Variants in L3MBTL4 observed in about 807,000 individuals in gnomAD.
L3MBTL4 encodes L3MBTL histone methyl-lysine binding protein 4.
Under a neutral mutation model 84.5 loss-of-function variants are expected in L3MBTL4, and 70 were observed. The ratio of observed to expected loss-of-function variants is 0.83; its 90% CI spans 0.68 to 1.01. The LOEUF (loss-of-function observed/expected upper bound fraction) is 1.01. Ranked by LOEUF, L3MBTL4 falls within the 50% of genes least tolerant of loss-of-function variation. L3MBTL4 has a pLI of 0.00. For missense variants in L3MBTL4, 715 were observed against 754.8 expected (o/e 0.95, Z 0.62); for synonymous variants, 274 against 259.8 (o/e 1.05, Z -0.52).
chr18:6,133,964 G>A (rs1223480744), intron 14 of L3MBTL4, among the ~76,000 whole-genome samples: 1 of 152,158 alleles, frequency 6.6e-6, no homozygotes, highest in East Asian at 1.9e-4. Flanking sequence ...AACACATTGT[G>A]CATATGGCCT....
chr18:6,157,064 A>G (rs2043134022), intron 13 of L3MBTL4, among the ~76,000 whole-genome samples: 1 of 152,240 alleles, frequency 6.6e-6, no homozygotes, highest in East Asian at 1.9e-4. Flanking sequence ...CTGTAAGTAC[A>G]TTTTGAAACG....
At chr18:6,135,513 T>A (rs1396378684) in intron 14 of L3MBTL4, among the ~76,000 whole-genome samples, 2 of 152,228 alleles carry the variant, frequency 1.3e-5, no homozygotes, top group African/African-American at 4.8e-5. Context: ...TTGAATGCTT[T>A]GCTGCTTAGA....
At chr18:6,110,078 A>C (rs908944547) in intron 14 of L3MBTL4, among the ~76,000 whole-genome samples, 1 of 152,142 alleles carries the variant, frequency 6.6e-6, no homozygotes, top group African/African-American at 2.4e-5. Context: ...ATATGATTTA[A>C]AACAACTTTG....
At chr18:6,035,424 GT>G (rs1454869446) in intron 16 of L3MBTL4, among the ~76,000 whole-genome samples, 1 of 150,616 alleles carries the variant, frequency 6.6e-6, no homozygotes, top group African/African-American at 2.4e-5. Context: ...CCCATTGCTT[GT>G]TTTTCTCAGG....
chr18:6,296,230 C>T (rs779544860), intron 4 of L3MBTL4, among the ~76,000 whole-genome samples: 39 of 152,242 alleles, frequency 2.6e-4, no homozygotes, highest in Non-Finnish European at 4.4e-4. Context: ...CCATATCCCC[C>T]GGCACCAAAA....
intron 14 of L3MBTL4, among the ~76,000 whole-genome samples, chr18:6,096,391 C>T (rs191110280): frequency 6.6e-6 from 1 of 152,290 alleles, no homozygotes; most frequent in African/African-American, 2.4e-5. Flanking sequence ...TAGAATGGAA[C>T]AATTCCTGAT....
intron 9 of L3MBTL4, among the ~76,000 whole-genome samples, chr18:6,239,112 C>T (rs1453437771): frequency 9.2e-5 from 14 of 151,882 alleles, no homozygotes; most frequent in Non-Finnish European, 1.5e-4. Context: ...GAGGCCGAGG[C>T]GGGCGGATCA....
chr18:6,333,817 T>A (rs1292512115), intron 1 of L3MBTL4, among the ~76,000 whole-genome samples: 1 of 152,192 alleles, frequency 6.6e-6, no homozygotes, highest in Non-Finnish European at 1.5e-5. Context: ...GTTACAATGA[T>A]CTTCCCCGTA....
chr18:5,956,579 C>T (rs955597230), intron 18 of L3MBTL4, among the ~76,000 whole-genome samples, 192 bp from the exon 19 acceptor site: 1 of 152,150 alleles, frequency 6.6e-6, no homozygotes, highest in African/African-American at 2.4e-5. Context: ...ATTCTTTCTT[C>T]TAGAACTTTG....
intron 16 of L3MBTL4, among the ~76,000 whole-genome samples, chr18:5,984,583 GC>G (rs1455155214): frequency 6.6e-6 from 1 of 152,190 alleles, no homozygotes; most frequent in African/African-American, 2.4e-5. Flanking sequence ...TGGGGGGGAA[GC>G]TTTTTAAAAT....
At chr18:6,043,298 G>A (rs988748347) in intron 16 of L3MBTL4, among the ~76,000 whole-genome samples, 6 of 152,022 alleles carry the variant, frequency 3.9e-5, no homozygotes, top group Non-Finnish European at 8.8e-5. Context: ...CAGAACAAAG[G>A]CCAGACTCTC....
At chr18:6,056,276 G>A (rs1055969266) in intron 16 of L3MBTL4, among the ~76,000 whole-genome samples, 12 of 152,090 alleles carry the variant, frequency 7.9e-5, no homozygotes, top group South Asian at 2.1e-4. Context: ...GGACTTCAGC[G>A]CCAATCTATT....
At chr18:6,134,156 C>T (rs562974313) in intron 14 of L3MBTL4, among the ~76,000 whole-genome samples, 1 of 152,212 alleles carries the variant, frequency 6.6e-6, no homozygotes, top group Admixed American at 6.5e-5. Flanking sequence ...GCAGAAACCC[C>T]TGATAAACCC....
chr18:6,023,472 C>T (rs1473492447), intron 16 of L3MBTL4, among the ~76,000 whole-genome samples: 1 of 152,088 alleles, frequency 6.6e-6, no homozygotes, highest in African/African-American at 2.4e-5. Context: ...AAATACATGG[C>T]TAATTTCCTG....
Position 6,179,167 on chromosome 18 carries a change from A to G in L3MBTL4, c.982-7225T>C, listed in dbSNP as rs561572864. On this transcript the variant is annotated intron_variant, in intron 12 of 18. Transcript: ENST00000317931. ...TTATTTTGCTATAAACCTTTTTTAA[A>G]TTTTTAATTTCCACTTTAATAGGCT... Among the ~76,000 whole-genome samples, 66 of 152,234 alleles carry G rather than the reference A, an allele frequency of 4.3e-4. 1 individual carries two copies. The highest frequency in any genetic ancestry group is 1.3e-3 in the African/African-American group (56 of 41,540).
At chr18:6,321,409 A>AGTGGG in intron 1 of L3MBTL4, among the ~76,000 whole-genome samples, 1 of 152,132 alleles carries the variant, frequency 6.6e-6, no homozygotes, top group Non-Finnish European at 1.5e-5. Context: ...CCCATCAAAA[A>AGTGGG]CAATAGATGT....
At chr18:6,271,204 T>C (rs1170336264) in intron 4 of L3MBTL4, among the ~76,000 whole-genome samples, 1 of 152,242 alleles carries the variant, frequency 6.6e-6, no homozygotes, top group Non-Finnish European at 1.5e-5. Flanking sequence ...TAGAGTATTG[T>C]ACATTTCAAA....
At chr18:6,259,920 G>A (rs1004628873) in intron 5 of L3MBTL4, 1 of 152,120 alleles carries the variant, frequency 6.6e-6, no homozygotes, top group African/African-American at 2.4e-5. Flanking sequence ...TATAGTTTGA[G>A]GTCTTACATT....
intron 16 of L3MBTL4, among the ~76,000 whole-genome samples, chr18:6,060,165 A>T (rs960429549): frequency 6.6e-6 from 1 of 152,152 alleles, no homozygotes; most frequent in Admixed American, 6.5e-5. Context: ...ACATACTCTC[A>T]TTATGCCATC....
Sources: gnomAD v4.1 joint callset for allele counts (sites outside exome capture counted in the v4.1 genomes callset) on GRCh38, gnomAD v4.1.1 for gene constraint, MANE v1.5 for transcripts, NCBI Gene and HGNC (gene_info 2026-07-23, HGNC 2026-07-21) for gene names.